Variants in GIGYF2 observed in about 807,000 individuals in gnomAD.
The protein encoded by GIGYF2 is GRB10-interacting GYF protein 2.
A neutral mutation model predicts 208.1 loss-of-function variants in GIGYF2; 25 were observed. The ratio of observed to expected loss-of-function variants is 0.12; its 90% CI spans 0.09 to 0.17. GIGYF2 has a LOEUF of 0.17. Ranked by LOEUF, GIGYF2 falls within the 10% of genes least tolerant of loss-of-function variation. The pLI is 1.00. For missense variants in GIGYF2, 1,302 were observed against 1,579.4 expected (o/e 0.82, Z 2.98); for synonymous variants, 534 against 543.8 (o/e 0.98, Z 0.25).
Position 232,811,365 on chromosome 2 carries a change from C to G in GIGYF2, c.2006+14C>G, listed in dbSNP as rs766232562. ...CTTGAAGATGAGGTTGGTGGTCATT[C>G]CATTATGTGTCATATGGGGTGCATG... is the stretch of plus-strand genomic sequence containing the variant. On this transcript the variant is annotated intron_variant, in intron 17 of 28. Transcript: ENST00000373563. 107 of 1,367,824 alleles carry G rather than the reference C, an allele frequency of 7.8e-5. No homozygotes were observed. The highest frequency in any genetic ancestry group is 1.1e-4 in the Non-Finnish European group (104 of 955,204). The allele number at this position is 1,367,824 out of a possible 1,614,324, so 84.7% of individuals were successfully genotyped here. A position where few individuals can be genotyped will look rare whatever the true frequency, so the allele number is the denominator to read the frequency against.
At chr2:232,794,973 C>T in intron 13 of GIGYF2, 29 bp downstream of exon 13, 1 of 1,496,994 alleles carries the variant, frequency 6.7e-7, no homozygotes, top group Non-Finnish European at 9.3e-7. Flanking sequence ...CTTTTTGTCT[C>T]CTCTTAAACT....
intron 3 of GIGYF2, chr2:232,736,117 G>A (rs896003945): frequency 3.1e-6 from 3 of 962,494 alleles, no homozygotes; most frequent in African/African-American, 3.5e-5. Context: ...ATGTAATCTC[G>A]AAGTTTTCTT....
At chr2:232,749,960 G>C (rs1049918053) in intron 5 of GIGYF2, among the ~76,000 whole-genome samples, 1 of 152,034 alleles carries the variant, frequency 6.6e-6, no homozygotes, top group East Asian at 1.9e-4. Flanking sequence ...CGAGGTGGGC[G>C]GATCACCTGA....
At chr2:232,837,574 G>A (rs780783544) in intron 22 of GIGYF2, among the ~76,000 whole-genome samples, 8 of 152,050 alleles carry the variant, frequency 5.3e-5, no homozygotes, top group Non-Finnish European at 1.2e-4. Context: ...CCTGGCCTCA[G>A]CCTCCTAAGT....
intron 3 of GIGYF2, among the ~76,000 whole-genome samples, chr2:232,745,452 A>G (rs1698117076): frequency 1.3e-5 from 2 of 152,212 alleles, no homozygotes; most frequent in Non-Finnish European, 2.9e-5. Flanking sequence ...CACTCTTCAA[A>G]GATGAGACAG....
chr2:232,727,719 G>A (rs2106283598), intron 2 of GIGYF2, among the ~76,000 whole-genome samples: 1 of 152,224 alleles, frequency 6.6e-6, no homozygotes, highest in African/African-American at 2.4e-5. Context: ...CTTTGTTCCT[G>A]TTCTTTCTTG....
intron 5 of GIGYF2, among the ~76,000 whole-genome samples, chr2:232,752,526 T>C (rs958217653): frequency 2.0e-5 from 3 of 152,204 alleles, no homozygotes; most frequent in Admixed American, 1.3e-4. Context: ...TTATTTGACA[T>C]CAAAGAAGTT....
chr2:232,773,514 T>C (rs182012992), intron 8 of GIGYF2, among the ~76,000 whole-genome samples: 1 of 152,250 alleles, frequency 6.6e-6, no homozygotes, highest in East Asian at 1.9e-4. Context: ...ATAACAGTCT[T>C]TCCAAAAATG....
intron 14 of GIGYF2, among the ~76,000 whole-genome samples, chr2:232,800,018 G>T (rs1381026765): frequency 6.6e-6 from 1 of 150,486 alleles, no homozygotes; most frequent in Non-Finnish European, 1.5e-5. Flanking sequence ...ATATATTCTG[G>T]ATGCTAATCC....
At chr2:232,747,804 T>C in intron 4 of GIGYF2, 60 bp downstream of exon 4, 1 of 1,459,174 alleles carries the variant, frequency 6.9e-7, no homozygotes, top group South Asian at 1.1e-5. Flanking sequence ...TATACCATGA[T>C]GTACTGATAC....
At chr2:232,745,993 C>T (rs1042213725) in intron 3 of GIGYF2, among the ~76,000 whole-genome samples, 44 of 152,248 alleles carry the variant, frequency 2.9e-4, no homozygotes, top group East Asian at 1.4e-3. Context: ...CATGGTGGCT[C>T]ATGCCTGTAA....
intron 8 of GIGYF2, among the ~76,000 whole-genome samples, chr2:232,786,909 C>T (rs149314840): frequency 3.2e-4 from 49 of 152,042 alleles, no homozygotes; most frequent in African/African-American, 1.0e-3. Context: ...TTTCATTGTA[C>T]GCTTTTTCAA....
intron 3 of GIGYF2, among the ~76,000 whole-genome samples, chr2:232,744,596 G>A (rs1229874184): frequency 1.3e-5 from 2 of 150,450 alleles, no homozygotes; most frequent in Non-Finnish European, 3.0e-5. Flanking sequence ...CTGGAGTGCA[G>A]TGGCTGTTCA....
rs1183320926 is a variant in GIGYF2, at chr2:232,832,906, G to C, written c.2579G>C (p.Arg860Pro). ...CGGGAAGAAGAAGAAGCCCAGCGTC[G>C]ATTAGAGGAGAACCGGCTGCGGATG... is the stretch of plus-strand genomic sequence containing the variant. ...WAREEEEAQRRLEENRLRMEE... is the reference protein window; with the variant it reads ...WAREEEEAQRPLEENRLRMEE... Residue 860 changes from arginine (R) to proline (P), a missense_variant, in exon 22 of 29, where the codon CGA becomes CCA. Arg to Pro is a moderately radical substitution (Grantham distance 103, BLOSUM62 -2). Transcript: ENST00000373563. 6.4e-7 allele frequency: 1 copy of C among 1,563,896 alleles called. No individual in the cohort carries two copies. Among genetic ancestry groups the C allele is most frequent in the Non-Finnish European group, 8.7e-7 (1 of 1,154,068 alleles).
rs1209330379 is a variant in GIGYF2 at position 232,769,257 on chromosome 2, A to G, written c.532+7821A>G. ...AGAATGAGTGATATTTTGGCCAGGCATGGTGTCTCACGCCTGTAATCCCGG... is the reference window on the plus strand; with the variant it reads ...AGAATGAGTGATATTTTGGCCAGGCGTGGTGTCTCACGCCTGTAATCCCGG... On this transcript the variant is annotated intron_variant, in intron 8 of 28. Coordinates refer to ENST00000373563, the MANE Select transcript of GIGYF2 (RefSeq NM_001103146.3). 2.6e-5 allele frequency among the ~76,000 whole-genome samples: 4 copies of G among 152,132 alleles called. No individual in the cohort carries two copies. In the South Asian group the frequency reaches 6.2e-4, roughly 24 times the overall value.
chr2:232,723,013 G>A (rs1158242020), intron 2 of GIGYF2, among the ~76,000 whole-genome samples: 1 of 152,064 alleles, frequency 6.6e-6, no homozygotes, highest in East Asian at 1.9e-4. Flanking sequence ...GTAGAGACAG[G>A]ATCTTGCTGT....
At chr2:232,788,667 A>G (rs1211865859) in intron 9 of GIGYF2, 9 of 420,178 alleles carry the variant, frequency 2.1e-5, no homozygotes, top group Non-Finnish European at 4.1e-5. Flanking sequence ...GAGTTTAACA[A>G]AGTACCTCCC....
At chr2:232,841,902 C>G (rs1701827548) in intron 23 of GIGYF2, among the ~76,000 whole-genome samples, 1 of 152,048 alleles carries the variant, frequency 6.6e-6, no homozygotes, top group East Asian at 1.9e-4. Flanking sequence ...CTCCTGTTTT[C>G]CATCTCTGTG....
intron 22 of GIGYF2, among the ~76,000 whole-genome samples, chr2:232,839,227 G>A (rs534009432): frequency 6.6e-6 from 1 of 152,138 alleles, no homozygotes; most frequent in Non-Finnish European, 1.5e-5. Flanking sequence ...GAAATATTCA[G>A]GACCTAGATA....
Sources: gnomAD v4.1 joint callset for allele counts (sites outside exome capture counted in the v4.1 genomes callset) on GRCh38, gnomAD v4.1.1 for gene constraint, MANE v1.5 for transcripts, NCBI Gene and HGNC (gene_info 2026-07-23, HGNC 2026-07-21) for gene names.